The following FPGS variants were observed in gnomAD, a reference collection of about 807,000 sequenced individuals.
FPGS encodes folylpolyglutamate synthase, mitochondrial.
A neutral mutation model predicts 66.5 loss-of-function variants in FPGS; 53 were observed. The ratio of observed to expected loss-of-function variants is 0.80; its 90% CI spans 0.64 to 1.00. The LOEUF is 1.00. Ranked by LOEUF, FPGS falls within the 50% of genes least tolerant of loss-of-function variation. The pLI is 0.00. For missense variants in FPGS, 702 were observed against 807.7 expected (o/e 0.87, Z 1.59); for synonymous variants, 348 against 350.9 (o/e 0.99, Z 0.09).
intron 14 of FPGS, 112 bp from the exon 15 acceptor site, chr9:127,813,083 A>G (rs1291158497): frequency 6.2e-6 from 9 of 1,445,836 alleles, no homozygotes; most frequent in Non-Finnish European, 8.2e-6. Flanking sequence ...TGGCCTGATG[A>G]CGTAAAAGGC....
chr9:127,813,919 C>G lies in FPGS; in HGVS notation c.*315C>G. Reference sequence around the variant, plus strand: ...AGGCCCAGCTTATTGTGTGCGCTGCCTGGCCAGGCCCTGGGTCTTGCCATG... The same window carrying G: ...AGGCCCAGCTTATTGTGTGCGCTGCGTGGCCAGGCCCTGGGTCTTGCCATG... On this transcript the variant is annotated 3_prime_UTR_variant, in exon 15 of 15. Transcript: ENST00000373247. 3 of 1,146,406 alleles carry G rather than the reference C, an allele frequency of 2.6e-6. No individual in the cohort carries two copies. Among genetic ancestry groups the G allele is most frequent in the Non-Finnish European group, 3.2e-6 (3 of 933,844 alleles). 71.0% of individuals were successfully genotyped at this position (1,146,406 alleles called of 1,614,324 possible). A position where few individuals can be genotyped will look rare whatever the true frequency, so the allele number is the denominator to read the frequency against.
At position 127,804,537 on chromosome 9, in the gene FPGS, T is replaced by C. The variant is rs758986317; in HGVS notation, c.306T>C (p.Thr102=). The C allele has an allele frequency of 8.7e-6, 14 of 1,614,066 alleles. No individual in the cohort carries two copies. In the South Asian group the frequency reaches 9.9e-5, roughly 11 times the overall value. Residue 102 remains threonine (T), a synonymous_variant, in exon 3 of 15, where the codon ACT becomes ACC. Transcript: ENST00000373247. ...ACCGGCTGAACATCATCCACGTCACTGGGACGAAGGGGAAGGTGAGGGGCA... is the reference window on the plus strand; with the variant it reads ...ACCGGCTGAACATCATCCACGTCACCGGGACGAAGGGGAAGGTGAGGGGCA... ...DLDRLNIIHV[T]GTKGKGSTCA...
At chr9:127,808,041 C>T (rs972667422) in intron 8 of FPGS, 193 bp from the exon 9 acceptor site, 18 of 587,826 alleles carry the variant, frequency 3.1e-5, no homozygotes, top group East Asian at 5.7e-5. Flanking sequence ...GGGAGGCAGA[C>T]GTTGCAGTGA....
At position 127,813,222 on chromosome 9, in the gene FPGS, A is replaced by T; in HGVS notation, c.1382A>T (p.Asp461Val). 1 of 1,599,380 alleles carries T rather than the reference A, an allele frequency of 6.3e-7. No individual in the cohort carries two copies. The highest frequency in any genetic ancestry group is 8.5e-7 in the Non-Finnish European group (1 of 1,171,898). ...ADQQNFTVTLDQVLLRCLEHQ... is the reference protein window; with the variant it reads ...ADQQNFTVTLVQVLLRCLEHQ... ...CAACAGAACTTCACAGTGACACTGG[A>T]CCAGGTCCTGCTCCGCTGCCTGGAA... Residue 461 changes from aspartate (D) to valine (V), a missense_variant, in exon 15 of 15, where the codon GAC becomes GTC. Physicochemically the swap from Asp to Val is radical, Grantham distance 152 (BLOSUM62 -3). Around this residue, in one of 3 missense-constraint regions of FPGS, gnomAD observed 351 missense variants for 363.7 expected, o/e 0.97. Transcript: ENST00000373247.
rs887995726 is a variant in FPGS at position 127,813,737 on chromosome 9, A to G, written c.*133A>G. 21 of 1,321,410 alleles carry G rather than the reference A, an allele frequency of 1.6e-5. No homozygotes were observed. Among genetic ancestry groups the G allele is most frequent in the Admixed American group, 1.2e-4 (3 of 25,760 alleles). The allele number at this position is 1,321,410 out of a possible 1,614,324, so 81.9% of individuals were successfully genotyped here. The stretch of plus-strand genomic sequence containing the variant: ...CTGGCCTAGGGGCCAGGGCTTTGGG[A>G]TGGGAGGCCGGGAGAGGATGTCTTT... On this transcript the variant is annotated 3_prime_UTR_variant, in exon 15 of 15. Transcript: ENST00000373247.
chr9:127,803,263 C>T (rs910285317), intron 1 of FPGS: 3 of 1,248,022 alleles, frequency 2.4e-6, no homozygotes, highest in African/African-American at 1.6e-5. Flanking sequence ...GCTGGGAATT[C>T]GGAGACTATA....
At chr9:127,810,193 C>T (rs903301486) in intron 13 of FPGS, 87 bp downstream of exon 13, 5 of 1,112,108 alleles carry the variant, frequency 4.5e-6, no homozygotes, top group African/African-American at 3.1e-5. Context: ...AATCCCCTCC[C>T]CCTTGAGTTG....
chr9:127,807,177 G>T lies in FPGS; in HGVS notation c.502-32G>T. 4 of 1,613,218 alleles carry T rather than the reference G, an allele frequency of 2.5e-6. No homozygotes were observed. In the South Asian group the frequency reaches 3.3e-5, roughly 13 times the overall value. ...TCTCCCCAGAGAAGGGGCTGCATGG[G>T]CTCTGGGCCCTGACATGTCCCTGTG... On this transcript the variant is annotated intron_variant, in intron 5 of 14. Coordinates refer to ENST00000373247, the MANE Select transcript of FPGS (RefSeq NM_004957.6). This position sits in a 1 kb window ranked among gnomAD's most constrained non-coding sequence, Gnocchi z 5.8.
rs1034635821 is a variant in FPGS, at chr9:127,802,963, C to G, written c.39C>G (p.Phe13Leu). 4.1e-6 allele frequency: 6 copies of G among 1,451,472 alleles called. No individual in the cohort carries two copies. Among genetic ancestry groups the G allele is most frequent in the African/African-American group, 3.0e-5 (2 of 67,128 alleles). 89.9% of individuals were successfully genotyped at this position (1,451,472 alleles called of 1,614,324 possible). The part of the protein sequence containing the change: ...RARSHLRAAL[F>L]LAAASARGIT... ...GGAGCCACCTGCGCGCCGCTCTATT[C>G]CTGGCAGCGGCGTCTGCGCGCGGCA... Residue 13 changes from phenylalanine to leucine, a missense_variant, in exon 1 of 15, where the codon TTC becomes TTG. By Grantham distance (22) the Phe-to-Leu change is conservative. Transcript: ENST00000373247.
Position 127,811,025 on chromosome 9 carries a change from G to C in FPGS, c.1354+14G>C. The C allele has an allele frequency of 6.4e-7, 1 of 1,560,726 alleles. No individual in the cohort carries two copies. Among genetic ancestry groups the C allele is most frequent in the South Asian group, 1.2e-5 (1 of 86,004 alleles). On this transcript the variant is annotated intron_variant, in intron 14 of 14. Transcript: ENST00000373247. ...CAGGCAACGCAGGTGAGAGGTGACAGGCATGGCCCCTGGGGATGAGCAGGG... is the reference window on the plus strand; with the variant it reads ...CAGGCAACGCAGGTGAGAGGTGACACGCATGGCCCCTGGGGATGAGCAGGG...
rs138442786 is a variant in FPGS at position 127,807,799 on chromosome 9, T to G, written c.744+111T>G. 48 of 692,910 alleles carry G rather than the reference T, an allele frequency of 6.9e-5. No homozygotes were observed. The Middle Eastern group carries it at 1.0e-3, about 14-fold the overall frequency. 42.9% of individuals were successfully genotyped at this position (692,910 alleles called of 1,614,324 possible). On this transcript the variant is annotated intron_variant, in intron 8 of 14. Transcript: ENST00000373247. The surrounding 1 kb of genome is among the most constrained non-coding windows in gnomAD (Gnocchi z 5.8). ...AAGTTGAGTCTCCTCTCCAGACTAT[T>G]TCCCCATTGAAACGTGAGGGATGGC...
In FPGS at chr9:127,813,357, C is replaced by T. The variant is rs1325946824; in HGVS notation, c.1517C>T (p.Pro506Leu). ...GSASLLLAPHPPHTCSASSLV... is the reference protein window; with the variant it reads ...GSASLLLAPHLPHTCSASSLV... ...GCATCCCTGCTTCTGGCGCCCCACC[C>T]ACCCCACACCTGCAGTGCCAGCTCC... Residue 506 changes from proline to leucine, a missense_variant, in exon 15 of 15, where the codon CCA (proline) becomes CTA (leucine). Physicochemically the swap from Pro to Leu is moderately conservative, Grantham distance 98 (BLOSUM62 -3). Coordinates refer to ENST00000373247, the MANE Select transcript of FPGS (RefSeq NM_004957.6). The T allele has an allele frequency of 1.2e-6, 2 of 1,612,640 alleles. No homozygotes were observed. The highest frequency in any genetic ancestry group is 2.2e-5 in the South Asian group (2 of 90,968).
chr9:127,808,713 G>A lies in FPGS; in HGVS notation c.970+8G>A. 3 of 1,578,742 alleles carry A rather than the reference G, an allele frequency of 1.9e-6. No individual in the cohort carries two copies. Among genetic ancestry groups the A allele is most frequent in the Non-Finnish European group, 2.6e-6 (3 of 1,162,428 alleles). On this transcript the variant is annotated splice_region_variant and intron_variant, in intron 10 of 14. Coordinates refer to ENST00000373247, the MANE Select transcript of FPGS (RefSeq NM_004957.6). ...AGCGGCAGGACCGCCATGGTGAGTG[G>A]GCAGCTGAGTGGGCAGGCAGGTGGG... is the stretch of plus-strand genomic sequence containing the variant.
Position 127,813,602 on chromosome 9 carries a change from T to C in FPGS, c.1762T>C (p.Ter588GlnextTer19). 1.3e-6 allele frequency: 2 copies of C among 1,514,762 alleles called. No homozygotes were observed. The highest frequency in any genetic ancestry group is 1.8e-6 in the Non-Finnish European group (2 of 1,129,442). The allele number at this position is 1,514,762 out of a possible 1,614,324, so 93.8% of individuals were successfully genotyped here. A position where few individuals can be genotyped will look rare whatever the true frequency, so the allele number is the denominator to read the frequency against. Reference sequence around the variant, plus strand: ...GCTGCTGGAGCCCGCACTGTCCCAGTAGCCAAGGCCCGGGGTTGGAGGTGG... The same window carrying C: ...GCTGCTGGAGCCCGCACTGTCCCAGCAGCCAAGGCCCGGGGTTGGAGGTGG... ...LKLLEPALSQ* is the reference protein window; with the variant it reads ...LKLLEPALSQQ The change falls in exon 15 of 15, where the codon TAG becomes CAG. Residue 588 changes from the stop codon to glutamine, a stop_lost. Transcript: ENST00000373247.
At position 127,813,643 on chromosome 9, in the gene FPGS, G is replaced by T. The variant is rs139769983; in HGVS notation, c.*39G>T. 711 of 1,495,884 alleles carry T rather than the reference G, an allele frequency of 4.8e-4. 1 individual carries two copies. The highest frequency in any genetic ancestry group is 3.1e-3 in the Middle Eastern group (17 of 5,472). 92.7% of individuals were successfully genotyped at this position (1,495,884 alleles called of 1,614,324 possible). A position where few individuals can be genotyped will look rare whatever the true frequency, so the allele number is the denominator to read the frequency against. ...TTGGAGGTGGGAGCTTCCCACACCT[G>T]CCTGCGTTCTCCCCATGAACTTACA... On this transcript the variant is annotated 3_prime_UTR_variant, in exon 15 of 15. Coordinates refer to ENST00000373247, the MANE Select transcript of FPGS (RefSeq NM_004957.6).
intron 14 of FPGS, among the ~76,000 whole-genome samples, chr9:127,811,276 A>G (rs1830063691): frequency 6.6e-6 from 1 of 151,988 alleles, no homozygotes; most frequent in Non-Finnish European, 1.5e-5. Flanking sequence ...CAGGAGATTG[A>G]GACCATCCTG....
At position 127,808,238 on chromosome 9, in the gene FPGS, G is replaced by A. The variant is rs778768325; in HGVS notation, c.749G>A (p.Gly250Asp). Residue 250 changes from glycine to aspartate, a missense_variant, in exon 9 of 15, where the codon GGT becomes GAT. This residue lies in a region of FPGS where 240 missense variants were observed against 348.6 expected (regional missense o/e 0.69). Transcript: ENST00000373247. Reference sequence around the variant, plus strand: ...CTCTCCTTCTTCCCTCCACAGCAAGGTGTCCCTGCCTTCACTGTGCTCCAA... The same window carrying A: ...CTCTCCTTCTTCCCTCCACAGCAAGATGTCCCTGCCTTCACTGTGCTCCAA... Reference protein sequence around the residue: ...AWQKGGIFKQGVPAFTVLQPE... With the variant: ...AWQKGGIFKQDVPAFTVLQPE... 3.1e-6 allele frequency: 5 copies of A among 1,613,900 alleles called. No homozygotes were observed. The Admixed American group carries it at 6.7e-5, about 22-fold the overall frequency.
chr9:127,803,485 T>C lies in FPGS; in HGVS notation c.138+423T>C, dbSNP rs144076306. On this transcript the variant is annotated intron_variant, in intron 1 of 14. Coordinates refer to ENST00000373247, the MANE Select transcript of FPGS (RefSeq NM_004957.6). Reference sequence around the variant, plus strand: ...GGTGGGCTGTCCAGGATTCAGAAGATTGGGGATCCAAGTGCCTGGATTTGG... The same window carrying C: ...GGTGGGCTGTCCAGGATTCAGAAGACTGGGGATCCAAGTGCCTGGATTTGG... The C allele has an allele frequency of 1.9e-3, 1,702 of 897,980 alleles. 2 individuals are homozygous for C. Among genetic ancestry groups the C allele is most frequent in the South Asian group, 2.8e-3 (55 of 19,578 alleles). The allele number at this position is 897,980 out of a possible 1,614,324, so 55.6% of individuals were successfully genotyped here.
chr9:127,807,637 C>T lies in FPGS; in HGVS notation c.693C>T (p.Leu231=). 6.2e-7 allele frequency: 1 copy of T among 1,605,362 alleles called. No homozygotes were observed. The change falls in exon 8 of 15, where the codon CTC becomes CTT. Residue 231 remains leucine (L), a synonymous_variant. Transcript: ENST00000373247. The surrounding 1 kb of genome is among the most constrained non-coding windows in gnomAD (Gnocchi z 5.8). The part of the protein sequence containing the change: ...VSSLGIDHTS[L]LGDTVEKIAW... ...CTCTTGGCATCGACCACACCAGCCT[C>T]CTGGGGGATACGGTGGAGAAGATCG...
Sources: allele counts gnomAD v4.1 joint callset (sites outside exome capture counted in the v4.1 genomes callset), GRCh38; gene constraint gnomAD v4.1.1; regional missense constraint gnomAD v4.1.1; non-coding constraint Gnocchi (gnomAD v3.1); transcripts MANE v1.5; gene names NCBI Gene and HGNC (gene_info 2026-07-23, HGNC 2026-07-21).